Variants in ZKSCAN1 observed in about 807,000 individuals in gnomAD.
ZKSCAN1 encodes zinc finger protein with KRAB and SCAN domains 1.
A neutral mutation model predicts 51.6 loss-of-function variants in ZKSCAN1; 14 were observed. The observed-to-expected ratio is 0.27, with a 90% confidence interval of 0.18 to 0.42. ZKSCAN1 has a LOEUF of 0.42. Among genes scored for constraint, ZKSCAN1 ranks in the 10% least tolerant of loss-of-function variants. The pLI is 1.00. For synonymous variants in ZKSCAN1, 263 were observed against 261.5 expected, an observed-to-expected ratio of 1.01 and a Z score of -0.06; for missense variants, 531 against 710.0, an observed-to-expected ratio of 0.75 and a Z score of 2.86.
rs1167354204 is a variant in ZKSCAN1 at position 100,040,694 on chromosome 7, GAA to G, written c.*6499_*6500del. On this transcript the variant is annotated 3_prime_UTR_variant, in exon 6 of 6. Transcript: ENST00000324306. Reference sequence around the variant, plus strand: ...GTAACGGCCCCACACTCCAGGCTGAGAAAGAGTAATTAGGAGGCCTGAGGAGG... The same window carrying G: ...GTAACGGCCCCACACTCCAGGCTGAGAGAGTAATTAGGAGGCCTGAGGAGG... The G allele has an allele frequency of 3.0e-6, 3 of 985,482 alleles. No individual in the cohort carries two copies. Among genetic ancestry groups the G allele is most frequent in the Non-Finnish European group, 3.6e-6 (3 of 829,962 alleles). 61.0% of individuals were successfully genotyped at this position (985,482 alleles called of 1,614,324 possible).
chr7:100,029,994 G>T (rs908245457), intron 4 of ZKSCAN1, 42 bp downstream of exon 4: 3 of 1,602,802 alleles, frequency 1.9e-6, no homozygotes, highest in Non-Finnish European at 1.7e-6. Flanking sequence ...CTCAGTGTCT[G>T]CCTCTGTTCC....
Position 100,041,480 on chromosome 7 carries a change from A to G in ZKSCAN1, c.*7283A>G. On this transcript the variant is annotated 3_prime_UTR_variant, in exon 6 of 6. Transcript: ENST00000324306. Reference sequence around the variant, plus strand: ...CCATTGGAAACCTCGAATGAGGGCTAAAGTTTTAATCATAAGAGAAAAGGC... The same window carrying G: ...CCATTGGAAACCTCGAATGAGGGCTGAAGTTTTAATCATAAGAGAAAAGGC... 1.0e-6 allele frequency: 1 copy of G among 985,444 alleles called. No homozygotes were observed. The highest frequency in any genetic ancestry group is 4.7e-5 in the South Asian group (1 of 21,288). The allele number at this position is 985,444 out of a possible 1,614,324, so 61.0% of individuals were successfully genotyped here. A position where few individuals can be genotyped will look rare whatever the true frequency, so the allele number is the denominator to read the frequency against.
intron 1 of ZKSCAN1, among the ~76,000 whole-genome samples, chr7:100,018,840 G>A (rs1327966530): frequency 6.6e-6 from 1 of 152,224 alleles, no homozygotes; most frequent in Non-Finnish European, 1.5e-5. Context: ...AGTAGGAGCA[G>A]AGAGATACTG....
Position 100,029,164 on chromosome 7 carries a change from CAAAAAA to C in ZKSCAN1, c.581-677_581-672del, listed in dbSNP as rs56176717. Among the ~76,000 whole-genome samples, 174 of 120,220 alleles carry C rather than the reference CAAAAAA, an allele frequency of 1.4e-3. 1 individual carries two copies. The highest frequency in any genetic ancestry group is 0.012 in the Middle Eastern group (3 of 248). The allele number at this position is 120,220 out of a possible 152,430, so 78.9% of individuals were successfully genotyped here. ...GGGCAACAAGAGCAAAACTCTGTCTCAAAAAAAAAAAAAAAAAAAAAAAAACTTACC... is the reference window on the plus strand; with the variant it reads ...GGGCAACAAGAGCAAAACTCTGTCTCAAAAAAAAAAAAAAAAAAACTTACC... On this transcript the variant is annotated intron_variant, in intron 3 of 5. Coordinates refer to ENST00000324306, the MANE Select transcript of ZKSCAN1 (RefSeq NM_003439.4).
rs572021297 is a variant in ZKSCAN1, at chr7:100,038,692, A to G, written c.*4495A>G. On this transcript the variant is annotated 3_prime_UTR_variant, in exon 6 of 6. Coordinates refer to ENST00000324306, the MANE Select transcript of ZKSCAN1 (RefSeq NM_003439.4). ...CTTTCCCACTAACTCTTAAATCCTT[A>G]TGCTTAGAAAATTGAGGATAAGGCT... is the stretch of plus-strand genomic sequence containing the variant. 9 of 985,418 alleles carry G rather than the reference A, an allele frequency of 9.1e-6. No homozygotes were observed. In the South Asian group the frequency reaches 3.3e-4, roughly 36 times the overall value. 61.0% of individuals were successfully genotyped at this position (985,418 alleles called of 1,614,324 possible).
chr7:100,045,298 A>G (rs1791689800), downstream of ZKSCAN1, among the ~76,000 whole-genome samples: 1 of 151,982 alleles, frequency 6.6e-6, no homozygotes, highest in Non-Finnish European at 1.5e-5. Context: ...CTGTAATCCC[A>G]GCACTTTAGG....
chr7:100,036,379 T>C lies in ZKSCAN1; in HGVS notation c.*2182T>C. The C allele has an allele frequency of 3.0e-6, 3 of 985,436 alleles. No homozygotes were observed. Among genetic ancestry groups the C allele is most frequent in the Non-Finnish European group, 3.6e-6 (3 of 829,928 alleles). The allele number at this position is 985,436 out of a possible 1,614,324, so 61.0% of individuals were successfully genotyped here. On this transcript the variant is annotated 3_prime_UTR_variant, in exon 6 of 6. Coordinates refer to ENST00000324306, the MANE Select transcript of ZKSCAN1 (RefSeq NM_003439.4). ...AAAGAATAAGCCACAGCAATGGTTT[T>C]GTAGAAAACTCCTGTGCTTTTGAGC... is the stretch of plus-strand genomic sequence containing the variant.
downstream of ZKSCAN1, among the ~76,000 whole-genome samples, chr7:100,044,388 C>A (rs1296338833): frequency 6.6e-6 from 1 of 151,992 alleles, no homozygotes; most frequent in Non-Finnish European, 1.5e-5. Flanking sequence ...TAGCACTGAG[C>A]CGGGCATGGT....
rs1408213483 is a variant in ZKSCAN1 at position 100,038,421 on chromosome 7, A to C, written c.*4224A>C. ...TGCTTATCACATCAAGAGATTGGTA[A>C]ATTTCTGAGGAAAGACAGGCTAATG... On this transcript the variant is annotated 3_prime_UTR_variant, in exon 6 of 6. Coordinates refer to ENST00000324306, the MANE Select transcript of ZKSCAN1 (RefSeq NM_003439.4). The C allele has an allele frequency of 1.0e-6, 1 of 985,312 alleles. No individual in the cohort carries two copies. Among genetic ancestry groups the C allele is most frequent in the African/African-American group, 1.7e-5 (1 of 57,236 alleles). The allele number at this position is 985,312 out of a possible 1,614,324, so 61.0% of individuals were successfully genotyped here.
chr7:100,020,843 T>G (rs1790557852), intron 1 of ZKSCAN1, among the ~76,000 whole-genome samples: 1 of 152,202 alleles, frequency 6.6e-6, no homozygotes. Context: ...TGCTTAGTTT[T>G]GATGGCTGTA....
intron 5 of ZKSCAN1, among the ~76,000 whole-genome samples, chr7:100,031,100 C>A (rs1003964857): frequency 2.0e-5 from 3 of 152,056 alleles, no homozygotes; most frequent in Non-Finnish European, 4.4e-5. Context: ...GAAGCCCTCA[C>A]GTGAGTACAG....
chr7:100,015,813 G>A (rs2115788031), intron 1 of ZKSCAN1, 87 bp downstream of exon 1: 1 of 152,486 alleles, frequency 6.6e-6, no homozygotes, highest in Non-Finnish European at 1.5e-5. Flanking sequence ...GCGGCCCTGG[G>A]ACCCCCTCCA....
rs1309883212 is a variant in ZKSCAN1 at position 100,039,182 on chromosome 7, G to T, written c.*4985G>T. ...CAAAAATTAGCCGGGCGTGGTGGTGGGCGCCTGTAGTCCCAGCTACTCAGG... is the reference window on the plus strand; with the variant it reads ...CAAAAATTAGCCGGGCGTGGTGGTGTGCGCCTGTAGTCCCAGCTACTCAGG... On this transcript the variant is annotated 3_prime_UTR_variant, in exon 6 of 6. Coordinates refer to ENST00000324306, the MANE Select transcript of ZKSCAN1 (RefSeq NM_003439.4). The T allele has an allele frequency of 3.2e-6, 1 of 316,838 alleles. No individual in the cohort carries two copies. The highest frequency in any genetic ancestry group is 4.5e-6 in the Non-Finnish European group (1 of 220,008). 19.6% of individuals were successfully genotyped at this position (316,838 alleles called of 1,614,324 possible).
intron 1 of ZKSCAN1, among the ~76,000 whole-genome samples, chr7:100,023,072 G>A (rs567336469): frequency 4.6e-5 from 7 of 151,978 alleles, no homozygotes; most frequent in Admixed American, 2.0e-4. Flanking sequence ...GTGCAGTGGC[G>A]TAATCTCGGC....
In ZKSCAN1 at chr7:100,023,722, G is replaced by C; in HGVS notation, c.216G>C (p.Glu72Asp). 1 of 1,614,192 alleles carries C rather than the reference G, an allele frequency of 6.2e-7. No individual in the cohort carries two copies. Among genetic ancestry groups the C allele is most frequent in the Non-Finnish European group, 8.5e-7 (1 of 1,180,044 alleles). ...ACCAGAACACTTTTGGGCCCCGAGA[G>C]GCTCTCAGTCGGCTGAAGGAACTTT... ...FCYQNTFGPR[E>D]ALSRLKELCH... The change falls in exon 2 of 6, where the codon GAG becomes GAC. Residue 72 changes from glutamate (E) to aspartate (D), a missense_variant. Physicochemically the swap from Glu to Asp is conservative, Grantham distance 45 (BLOSUM62 2). Transcript: ENST00000324306.
In ZKSCAN1 at chr7:100,039,012, T is replaced by TG. The variant is rs1791484753; in HGVS notation, c.*4821dup. 7.3e-6 allele frequency: 1 copy of TG among 137,236 alleles called. No individual in the cohort carries two copies. The highest frequency in any genetic ancestry group is 1.5e-5 in the Non-Finnish European group (1 of 66,554). 8.5% of individuals were successfully genotyped at this position (137,236 alleles called of 1,614,324 possible). Reference sequence around the variant, plus strand: ...TCCATGTCAAAAAAAAAAAAAAGGTTGGGGGGAGGATAGGACTGGCCAGGC... The same window carrying TG: ...TCCATGTCAAAAAAAAAAAAAAGGTTGGGGGGGAGGATAGGACTGGCCAGGC... On this transcript the variant is annotated 3_prime_UTR_variant, in exon 6 of 6. Coordinates refer to ENST00000324306, the MANE Select transcript of ZKSCAN1 (RefSeq NM_003439.4).
downstream of ZKSCAN1, chr7:100,044,708 A>C: frequency 7.9e-5 from 32 of 405,444 alleles, no homozygotes; most frequent in Non-Finnish European, 1.0e-4. Flanking sequence ...AAAAAAAAGT[A>C]GCACTGAATA....
At chr7:100,032,925 G>A (rs976574842) in intron 5 of ZKSCAN1, among the ~76,000 whole-genome samples, 2 of 151,408 alleles carry the variant, frequency 1.3e-5, no homozygotes, top group Non-Finnish European at 2.9e-5. Flanking sequence ...GGAGAATGGC[G>A]TCAACCTGGG....
chr7:100,023,898 T>C lies in ZKSCAN1; in HGVS notation c.392T>C (p.Leu131Pro). ...AGTGGAGAGGAGGCCGTGACCCTTC[T>C]AGAAGACTTGGAGCTTGATTTATCA... is the stretch of plus-strand genomic sequence containing the variant. ...PDSGEEAVTL[L>P]EDLELDLSGQ... is the part of the protein sequence containing the mutation. The change falls in exon 2 of 6, where the codon CTA (leucine) becomes CCA (proline). Residue 131 changes from leucine to proline, a missense_variant. This residue lies in a region of ZKSCAN1 where 403 missense variants were observed against 490.5 expected (regional missense o/e 0.82). Transcript: ENST00000324306. 6.2e-7 allele frequency: 1 copy of C among 1,602,676 alleles called. No homozygotes were observed. Among genetic ancestry groups the C allele is most frequent in the Non-Finnish European group, 8.5e-7 (1 of 1,176,842 alleles).
Sources: gnomAD v4.1 joint callset for allele counts (sites outside exome capture counted in the v4.1 genomes callset) on GRCh38, gnomAD v4.1.1 for gene constraint, gnomAD v4.1.1 regional missense constraint, MANE v1.5 for transcripts, NCBI Gene and HGNC (gene_info 2026-07-23, HGNC 2026-07-21) for gene names.